The following VXN variants were observed in gnomAD, a reference collection of about 807,000 sequenced individuals.
VXN encodes vexin.
A neutral mutation model predicts 23.1 loss-of-function variants in VXN; 7 were observed. That is an observed-to-expected ratio of 0.30 (90% CI 0.17 to 0.57). VXN has a LOEUF of 0.57. Ranked by LOEUF, VXN falls within the 20% of genes least tolerant of loss-of-function variation. The probability of loss-of-function intolerance (pLI) is 0.91; values close to 1 mark genes in which losing one functional copy is unlikely to be tolerated. For missense variants in VXN, 238 were observed against 272.6 expected (o/e 0.87, Z 0.89); for synonymous variants, 120 against 105.8 (o/e 1.13, Z -0.83).
chr8:66,510,431 A>T, intron 4 of VXN: 3 of 338,038 alleles, frequency 8.9e-6, no homozygotes, highest in East Asian at 1.3e-4. Flanking sequence ...CATCTTATAC[A>T]TGGTGAGGGG....
Position 66,493,590 on chromosome 8 carries a change from C to T in VXN, c.-59C>T, listed in dbSNP as rs1053534233. 9.6e-6 allele frequency: 14 copies of T among 1,460,138 alleles called. No homozygotes were observed. The highest frequency in any genetic ancestry group is 1.4e-5 in the African/African-American group (1 of 71,872). The allele number at this position is 1,460,138 out of a possible 1,614,324, so 90.4% of individuals were successfully genotyped here. On this transcript the variant is annotated 5_prime_UTR_variant, in exon 1 of 6. Transcript: ENST00000305454. ...CAGACTGGATTAGGATGCCTCGCGA[C>T]TAGGGGTCCAGAGACAGAGGCCTCC...
intron 1 of VXN, among the ~76,000 whole-genome samples, chr8:66,496,226 C>T (rs1037690532): frequency 5.3e-5 from 8 of 152,178 alleles, no homozygotes; most frequent in African/African-American, 1.7e-4. Context: ...TTGGGTTGTT[C>T]CCAAACTTCA....
In VXN at chr8:66,506,232, A is replaced by AGTGTGTGTGTGTGTGT. The variant is rs61613088; in HGVS notation, c.280+729_280+744dup. On this transcript the variant is annotated intron_variant, in intron 3 of 5. Coordinates refer to ENST00000305454, the MANE Select transcript of VXN (RefSeq NM_152765.4). The stretch of plus-strand genomic sequence containing the variant: ...CAGAGAGAGAGAGAGAGAGAGAGAC[A>AGTGTGTGTGTGTGTGT]GTGTGTGTGTGTGTGTGTGTGTGTG... Among the ~76,000 whole-genome samples the AGTGTGTGTGTGTGTGT allele has an allele frequency of 2.5e-3, 355 of 140,424 alleles. 3 individuals are homozygous for AGTGTGTGTGTGTGTGT. The highest frequency in any genetic ancestry group is 7.2e-3 in the African/African-American group (269 of 37,466). 92.1% of individuals were successfully genotyped at this position (140,424 alleles called of 152,430 possible). A position where few individuals can be genotyped will look rare whatever the true frequency, so the allele number is the denominator to read the frequency against.
intron 4 of VXN, 34 bp from the exon 5 acceptor site, chr8:66,513,506 C>T (rs368021132): frequency 1.3e-5 from 21 of 1,559,282 alleles, no homozygotes; most frequent in Non-Finnish European, 1.9e-5. Context: ...AAGGCAGATG[C>T]ATCCTCACAC....
intron 3 of VXN, among the ~76,000 whole-genome samples, chr8:66,507,870 G>A (rs1434703149): frequency 5.9e-5 from 9 of 152,186 alleles, no homozygotes; most frequent in South Asian, 2.1e-4. Flanking sequence ...AGGGAGCTCA[G>A]ATTTTGGAAC....
intron 1 of VXN, 119 bp from the exon 2 acceptor site, chr8:66,496,318 C>A (rs893749572): frequency 2.3e-6 from 2 of 871,672 alleles, no homozygotes; most frequent in South Asian, 1.5e-5. Flanking sequence ...CTCTTTTTCC[C>A]GTCCCCTCCT....
At chr8:66,496,315 T>C (rs1586514592) in intron 1 of VXN, 122 bp from the exon 2 acceptor site, 1 of 847,866 alleles carries the variant, frequency 1.2e-6, no homozygotes, top group Non-Finnish European at 1.9e-6. Context: ...TGTCTCTTTT[T>C]CCCGTCCCCT....
chr8:66,506,367 G>A (rs541623907), intron 3 of VXN, among the ~76,000 whole-genome samples: 56 of 151,678 alleles, frequency 3.7e-4, no homozygotes, highest in African/African-American at 1.3e-3. Flanking sequence ...GAGTGTAGGA[G>A]TAAGTTTGTC....
chr8:66,512,303 G>C (rs930975728), intron 4 of VXN, among the ~76,000 whole-genome samples: 6 of 152,164 alleles, frequency 3.9e-5, no homozygotes, highest in Admixed American at 2.6e-4. Flanking sequence ...AGAGATAAGG[G>C]GGTGCAAGTG....
rs574727391 is a variant in VXN at position 66,514,015 on chromosome 8, G to A, written c.440+378G>A. On this transcript the variant is annotated intron_variant, in intron 5 of 5. Transcript: ENST00000305454. ...GTAAGTTCAAGATCCCCTGCCCACC[G>A]GTTAAGAAGTGTGTCAAGTACAAAG... 17 of 192,810 alleles carry A rather than the reference G, an allele frequency of 8.8e-5. 1 individual carries two copies. The highest frequency in any genetic ancestry group is 8.6e-4 in the East Asian group (5 of 5,832). 11.9% of individuals were successfully genotyped at this position (192,810 alleles called of 1,614,324 possible). A position where few individuals can be genotyped will look rare whatever the true frequency, so the allele number is the denominator to read the frequency against.
rs1033673147 is a variant in VXN, at chr8:66,516,970, G to A, written c.*894G>A. 1 of 152,190 alleles carries A rather than the reference G, an allele frequency of 6.6e-6. No homozygotes were observed. Among genetic ancestry groups the A allele is most frequent in the African/African-American group, 2.4e-5 (1 of 41,438 alleles). The allele number at this position is 152,190 out of a possible 1,614,324, so 9.4% of individuals were successfully genotyped here. On this transcript the variant is annotated 3_prime_UTR_variant, in exon 6 of 6. Transcript: ENST00000305454. ...CCTACTCTCTAGCAACTGACTTGGG[G>A]AAGTTTTTAAATGGTGAGAGTGTGT...
chr8:66,496,722 A>C (rs568120193), intron 2 of VXN, among the ~76,000 whole-genome samples: 1 of 152,328 alleles, frequency 6.6e-6, no homozygotes, highest in East Asian at 1.9e-4. Context: ...TTCTCCAGGC[A>C]CAGAGAGTAA....
At chr8:66,496,891 C>T (rs1490947649) in intron 2 of VXN, among the ~76,000 whole-genome samples, 1 of 143,826 alleles carries the variant, frequency 7.0e-6, no homozygotes, top group Non-Finnish European at 1.5e-5. Context: ...ATATAAAATA[C>T]TATTTTTTTT....
intron 2 of VXN, among the ~76,000 whole-genome samples, chr8:66,504,255 C>T (rs752247068): frequency 3.9e-5 from 6 of 152,172 alleles, no homozygotes; most frequent in Admixed American, 6.5e-5. Flanking sequence ...TTCCTGTGGA[C>T]TCCAGGCTTC....
intron 1 of VXN, among the ~76,000 whole-genome samples, chr8:66,493,967 C>T (rs1807596656): frequency 1.3e-5 from 2 of 152,100 alleles, no homozygotes; most frequent in South Asian, 2.1e-4. Context: ...AATTCAGTAC[C>T]AACAGTCCAG....
Position 66,505,504 on chromosome 8 carries a change from C to A in VXN, c.256C>A (p.Pro86Thr). ...GACCGCGCGGCCGCCCACAGCCCACCCGGCCAAAGCCTCTGCCAGACCCGG... is the reference window on the plus strand; with the variant it reads ...GACCGCGCGGCCGCCCACAGCCCACACGGCCAAAGCCTCTGCCAGACCCGG... ...LQTARPPTAH[P>T]AKASARPVGI... is the part of the protein sequence containing the mutation. The change falls in exon 3 of 6, where the codon CCG becomes ACG. Residue 86 changes from proline to threonine, a missense_variant. By Grantham distance (38) the Pro-to-Thr change is conservative. This residue lies in a region of VXN where 223 missense variants were observed against 236.9 expected (regional missense o/e 0.94). Coordinates refer to ENST00000305454, the MANE Select transcript of VXN (RefSeq NM_152765.4). 6.5e-7 allele frequency: 1 copy of A among 1,540,644 alleles called. No individual in the cohort carries two copies. The highest frequency in any genetic ancestry group is 8.7e-7 in the Non-Finnish European group (1 of 1,147,020).
At chr8:66,515,440 G>T (rs970256403) in intron 5 of VXN, among the ~76,000 whole-genome samples, 1 of 152,182 alleles carries the variant, frequency 6.6e-6, no homozygotes, top group Non-Finnish European at 1.5e-5. Context: ...TCCCCATTTT[G>T]CACATGAAGA....
intron 2 of VXN, among the ~76,000 whole-genome samples, chr8:66,502,487 C>A (rs895024426): frequency 1.3e-5 from 2 of 152,182 alleles, no homozygotes; most frequent in African/African-American, 4.8e-5. Flanking sequence ...GTGGCTCGCA[C>A]CTGTAATCCT....
chr8:66,514,523 C>T (rs1021859005), intron 5 of VXN, among the ~76,000 whole-genome samples: 4 of 152,162 alleles, frequency 2.6e-5, no homozygotes, highest in African/African-American at 9.7e-5. Context: ...GCAACCTCTA[C>T]CTCCGGGGTT....
Sources: allele counts gnomAD v4.1 joint callset (sites outside exome capture counted in the v4.1 genomes callset), GRCh38; gene constraint gnomAD v4.1.1; regional missense constraint gnomAD v4.1.1; transcripts MANE v1.5; gene names NCBI Gene and HGNC (gene_info 2026-07-23, HGNC 2026-07-21).